The following RYR1 variants were observed in gnomAD, a reference collection of about 807,000 sequenced individuals.
RYR1 encodes the protein ryanodine receptor 1, also known as central core disease of muscle.
In RYR1, 342 loss-of-function variants were observed where a neutral mutation model predicts 583.5. That is an observed-to-expected ratio of 0.59 (90% CI 0.54 to 0.64). RYR1 has a LOEUF of 0.64. Among genes scored for constraint, RYR1 ranks in the 30% least tolerant of loss-of-function variants. The pLI is 0.00. For missense variants in RYR1, 6,032 were observed against 6,917.2 expected (o/e 0.87, Z 4.54); for synonymous variants, 2,791 against 2,822.5 (o/e 0.99, Z 0.35).
intron 105 of RYR1, 75 bp downstream of exon 105, chr19:38,586,651 G>A: frequency 7.2e-7 from 1 of 1,379,702 alleles, no homozygotes; most frequent in Non-Finnish European, 1.0e-6. Context: ...GTAGGTGGCA[G>A]TAAAAAGCTC....
Position 38,494,528 on chromosome 19 carries a change from G to A in RYR1, c.6451G>A (p.Asp2151Asn), listed in dbSNP as rs1555781651. Residue 2151 changes from aspartate to asparagine, a missense_variant, in exon 39 of 106, where the codon GAC becomes AAC. Transcript: ENST00000359596. Reference sequence around the variant, plus strand: ...CACCATCTCACCGTCCTCCGTGGAAGACACCATGAGCCTGCTCGAGTGCCT... The same window carrying A: ...CACCATCTCACCGTCCTCCGTGGAAAACACCATGAGCCTGCTCGAGTGCCT... The part of the protein sequence containing the change: ...AYTISPSSVE[D>N]TMSLLECLGQ... 6 of 1,613,996 alleles carry A rather than the reference G, an allele frequency of 3.7e-6. No individual in the cohort carries two copies. Among genetic ancestry groups the A allele is most frequent in the Non-Finnish European group, 5.1e-6 (6 of 1,180,042 alleles).
chr19:38,586,420 A>G (rs1974491391), intron 104 of RYR1, 105 bp from the exon 105 acceptor site: 4 of 1,275,098 alleles, frequency 3.1e-6, no homozygotes. Flanking sequence ...CAGGAGTTCG[A>G]GACCAGCTTG....
At chr19:38,546,600 C>A (rs564082830) in intron 88 of RYR1, 74 bp downstream of exon 88, 1 of 1,194,122 alleles carries the variant, frequency 8.4e-7, no homozygotes, top group Non-Finnish European at 1.2e-6. Context: ...CCCTGAGACC[C>A]GGGAGACCCT....
At chr19:38,578,958 A>G (rs1247019129) in intron 99 of RYR1, among the ~76,000 whole-genome samples, 2 of 151,992 alleles carry the variant, frequency 1.3e-5, no homozygotes, top group East Asian at 1.9e-4. Flanking sequence ...CTGTCTCTAC[A>G]AACAATACAA....
chr19:38,469,910 T>C (rs1419349127), intron 27 of RYR1, among the ~76,000 whole-genome samples: 1 of 146,184 alleles, frequency 6.8e-6, no homozygotes, highest in Non-Finnish European at 1.5e-5. Flanking sequence ...CTACAAAAAA[T>C]AAAAAAAAAA....
At chr19:38,464,771 G>T (rs1426248143) in intron 23 of RYR1, 49 bp downstream of exon 23, 3 of 1,515,602 alleles carry the variant, frequency 2.0e-6, no homozygotes, top group South Asian at 2.4e-5. Context: ...GGGGGCTGGG[G>T]ATGCTGTGCT....
chr19:38,517,926 C>T (rs1971049647), intron 66 of RYR1, among the ~76,000 whole-genome samples: 1 of 152,156 alleles, frequency 6.6e-6, no homozygotes, highest in South Asian at 2.1e-4. Context: ...GGTAACATAG[C>T]ACGACCCCAT....
chr19:38,468,843 C>T, intron 25 of RYR1, 123 bp from the exon 26 acceptor site: 1 of 1,011,544 alleles, frequency 9.9e-7, no homozygotes, highest in Non-Finnish European at 1.5e-6. Flanking sequence ...CTCTTCCATA[C>T]CACCTGCCCT....
rs1968067473 is a variant in RYR1, at chr19:38,465,808, AG to A, written c.2871-282del. On this transcript the variant is annotated intron_variant, in intron 23 of 105. Transcript: ENST00000359596. ...GAGAAAAACCTCAAAGTTAGTGGTG[AG>A]AGGTCTGAGAGAGTTCCGGGGTTAG... is the stretch of plus-strand genomic sequence containing the variant. 2.6e-5 allele frequency among the ~76,000 whole-genome samples: 4 copies of A among 152,248 alleles called. No individual in the cohort carries two copies. In the South Asian group the frequency reaches 8.3e-4, roughly 32 times the overall value.
intron 89 of RYR1, among the ~76,000 whole-genome samples, chr19:38,556,682 GC>G (rs1327497868): frequency 2.6e-5 from 4 of 152,048 alleles, no homozygotes; most frequent in Non-Finnish European, 5.9e-5. Flanking sequence ...GAGCCACTGT[GC>G]CTGGCCATAA....
intron 102 of RYR1, 102 bp from the exon 103 acceptor site, chr19:38,585,836 G>A: frequency 2.9e-6 from 4 of 1,380,694 alleles, no homozygotes; most frequent in Non-Finnish European, 4.1e-6. Flanking sequence ...TGAGATTAGG[G>A]AAATGGGGGA....
At chr19:38,553,686 G>T (rs753507214) in intron 89 of RYR1, among the ~76,000 whole-genome samples, 1 of 152,064 alleles carries the variant, frequency 6.6e-6, no homozygotes, top group African/African-American at 2.4e-5. Context: ...ACAGCAAGGC[G>T]TGAAGTGAGA....
At chr19:38,446,879 G>C in intron 9 of RYR1, 111 bp downstream of exon 9, 1 of 847,480 alleles carries the variant, frequency 1.2e-6, no homozygotes, top group Admixed American at 2.5e-5. Context: ...GAAGGGTCTC[G>C]AGGGAAAATC....
In RYR1 at chr19:38,499,605, G is replaced by C. The variant is rs1436160151; in HGVS notation, c.7028-30G>C. 5.0e-6 allele frequency: 8 copies of C among 1,596,156 alleles called. No individual in the cohort carries two copies. The East Asian group carries it at 1.3e-4, about 27-fold the overall frequency. ...GGGGAGGTCTCTGATGGTGGCTCAT[G>C]AGACCCCCTTTCCCCATGCGGGTGG... On this transcript the variant is annotated intron_variant, in intron 43 of 105. Coordinates refer to ENST00000359596, the MANE Select transcript of RYR1 (RefSeq NM_000540.3). The surrounding 1 kb of genome is among the most constrained non-coding windows in gnomAD (Gnocchi z 7.3).
chr19:38,524,200 AAAAG>A (rs1353783400), intron 70 of RYR1, among the ~76,000 whole-genome samples: 3 of 148,256 alleles, frequency 2.0e-5, no homozygotes, highest in East Asian at 3.9e-4. Context: ...AAAAAAAAAA[AAAAG>A]AAAAAAAGAG....
rs1966916163 is a variant in RYR1, at chr19:38,448,637, C to T, written c.958-12C>T. 3 of 1,614,236 alleles carry T rather than the reference C, an allele frequency of 1.9e-6. No homozygotes were observed. The highest frequency in any genetic ancestry group is 1.7e-5 in the Admixed American group (1 of 60,018). On this transcript the variant is annotated splice_polypyrimidine_tract_variant and intron_variant, in intron 10 of 105. Coordinates refer to ENST00000359596, the MANE Select transcript of RYR1 (RefSeq NM_000540.3). ...GGCAGAGGAGGCTGACCTGTGTCCC[C>T]TGCCCCTGTAGGAGAAGCTGGATGT...
intron 1 of RYR1, among the ~76,000 whole-genome samples, chr19:38,437,728 A>G (rs1203497976): frequency 6.6e-6 from 1 of 152,052 alleles, no homozygotes; most frequent in Admixed American, 6.5e-5. Context: ...AGGTGGGAAG[A>G]TCACTTGAAA....
chr19:38,556,293 G>A (rs1054486210), intron 89 of RYR1, among the ~76,000 whole-genome samples: 8 of 151,966 alleles, frequency 5.3e-5, no homozygotes, highest in African/African-American at 1.9e-4. Flanking sequence ...GCCAGCCTGC[G>A]TAACACAGCA....
intron 66 of RYR1, among the ~76,000 whole-genome samples, chr19:38,518,559 C>G (rs1370879882): frequency 6.6e-6 from 1 of 151,998 alleles, no homozygotes; most frequent in East Asian, 1.9e-4. Flanking sequence ...AGCCAGAAAT[C>G]ACATAGTGAG....
Sources: gnomAD v4.1 joint callset for allele counts (sites outside exome capture counted in the v4.1 genomes callset) on GRCh38, gnomAD v4.1.1 for gene constraint, Gnocchi (gnomAD v3.1) non-coding constraint, MANE v1.5 for transcripts, NCBI Gene and HGNC (gene_info 2026-07-23, HGNC 2026-07-21) for gene names.